The following PKHD1 variants were observed in gnomAD, a reference collection of about 807,000 sequenced individuals.
PKHD1 encodes fibrocystin.
A neutral mutation model predicts 412.0 loss-of-function variants in PKHD1; 291 were observed. The observed-to-expected ratio is 0.71, with a 90% confidence interval of 0.64 to 0.78. The LOEUF is 0.78. Ranked by LOEUF, PKHD1 falls within the 30% of genes least tolerant of loss-of-function variation. PKHD1 has a pLI of 0.00. For missense variants in PKHD1, 4,825 were observed against 4,950.7 expected (o/e 0.97, Z 0.76); for synonymous variants, 1,777 against 1,821.5 (o/e 0.98, Z 0.62).
intron 55 of PKHD1, among the ~76,000 whole-genome samples, chr6:51,755,163 G>T (rs1299733118): frequency 1.3e-5 from 2 of 152,096 alleles, no homozygotes; most frequent in East Asian, 3.9e-4. Flanking sequence ...AGACAGTGAA[G>T]ATATTCGATG....
rs191847652 is a variant in PKHD1, at chr6:51,735,952, A to T, written c.10156+8433T>A. Among the ~76,000 whole-genome samples, 290 of 152,230 alleles carry T rather than the reference A, an allele frequency of 1.9e-3. 3 individuals carry two copies. The highest frequency in any genetic ancestry group is 6.8e-3 in the African/African-American group (281 of 41,538). The stretch of plus-strand genomic sequence containing the variant: ...TTGTTTCTAAAAATAAAAAATAAAA[A>T]TAAAAACACAGTTCAATCTGAACCT... On this transcript the variant is annotated intron_variant, in intron 60 of 66. Transcript: ENST00000371117.
intron 48 of PKHD1, among the ~76,000 whole-genome samples, chr6:51,863,686 T>A (rs1189597167): frequency 3.9e-5 from 6 of 152,160 alleles, no homozygotes; most frequent in African/African-American, 1.4e-4. Context: ...TGAAAGAAGA[T>A]TCTTAAATAC....
intron 33 of PKHD1, 88 bp downstream of exon 33, chr6:52,022,713 C>T: frequency 7.5e-7 from 1 of 1,331,824 alleles, no homozygotes; most frequent in Non-Finnish European, 1.1e-6. Context: ...GTAGTCAGTA[C>T]AGCATTAATC....
intron 53 of PKHD1, among the ~76,000 whole-genome samples, chr6:51,789,461 G>C (rs1793396131): frequency 6.6e-6 from 1 of 151,858 alleles, no homozygotes. Context: ...AATTATTGAA[G>C]TTGGGCCTTT....
intron 37 of PKHD1, among the ~76,000 whole-genome samples, chr6:51,933,127 C>G (rs1454633382): frequency 1.3e-5 from 2 of 152,128 alleles, no homozygotes; most frequent in African/African-American, 4.8e-5. Flanking sequence ...CATATAAACA[C>G]CCACTGAAAT....
At chr6:51,668,794 T>C (rs1487666529) in intron 60 of PKHD1, among the ~76,000 whole-genome samples, 1 of 152,244 alleles carries the variant, frequency 6.6e-6, no homozygotes, top group African/African-American at 2.4e-5. Context: ...TCTGCATCTA[T>C]TGAGATAATC....
In PKHD1 at chr6:51,885,742, A is replaced by G. The variant is rs966233343; in HGVS notation, c.7215+125T>C. ...GCTTTAAAATTGTGACAGCACAGCA[A>G]TGCTCCCCTCAAGGGCAAGTCAATC... On this transcript the variant is annotated intron_variant, in intron 45 of 66. Transcript: ENST00000371117. 4.1e-6 allele frequency: 3 copies of G among 729,572 alleles called. No individual in the cohort carries two copies. In the East Asian group the frequency reaches 8.0e-5, roughly 20 times the overall value. The allele number at this position is 729,572 out of a possible 1,614,324, so 45.2% of individuals were successfully genotyped here.
At chr6:51,914,793 C>T (rs948173389) in intron 37 of PKHD1, among the ~76,000 whole-genome samples, 8 of 152,058 alleles carry the variant, frequency 5.3e-5, no homozygotes, top group Admixed American at 3.9e-4. Context: ...CTCATTTAAC[C>T]GGATCGTCCT....
At chr6:51,950,474 T>C (rs1260157154) in intron 36 of PKHD1, among the ~76,000 whole-genome samples, 2 of 152,014 alleles carry the variant, frequency 1.3e-5, no homozygotes, top group African/African-American at 4.8e-5. Flanking sequence ...TCCTCACAAT[T>C]CCATAGGGCT....
chr6:51,807,454 AAAAAAT>A lies in PKHD1; in HGVS notation c.8303-16087_8303-16082del, dbSNP rs1438823727. On this transcript the variant is annotated intron_variant, in intron 52 of 66. Transcript: ENST00000371117. ...CTCTGTCTCAAAAAAAAAAAAAAAA[AAAAAAT>A]ATATATATATATATATATATGTATA... Among the ~76,000 whole-genome samples the A allele has an allele frequency of 9.4e-4, 46 of 48,886 alleles. 3 individuals are homozygous for A. The highest frequency in any genetic ancestry group is 2.8e-3 in the African/African-American group (41 of 14,842). The allele number at this position is 48,886 out of a possible 152,430, so 32.1% of individuals were successfully genotyped here.
intron 60 of PKHD1, among the ~76,000 whole-genome samples, chr6:51,714,534 A>G (rs1243376757): frequency 2.6e-5 from 4 of 152,226 alleles, no homozygotes; most frequent in Non-Finnish European, 5.9e-5. Context: ...AAGTGGTCTT[A>G]GTTTACACTG....
At chr6:51,903,831 T>TAATATATATATA in intron 42 of PKHD1, 104 bp from the exon 43 acceptor site, 1 of 537,144 alleles carries the variant, frequency 1.9e-6, no homozygotes, top group African/African-American at 3.9e-5. Context: ...ATAATGCATT[T>TAATATATATATA]CATATATATA....
chr6:51,828,017 A>T (rs1562402787), intron 52 of PKHD1, among the ~76,000 whole-genome samples: 1 of 152,122 alleles, frequency 6.6e-6, no homozygotes, highest in Non-Finnish European at 1.5e-5. Flanking sequence ...AAATACCTCA[A>T]GCAGTGTATC....
chr6:51,625,828 A>G (rs899119195), intron 66 of PKHD1, among the ~76,000 whole-genome samples: 4 of 152,198 alleles, frequency 2.6e-5, no homozygotes, highest in African/African-American at 9.6e-5. Flanking sequence ...CTGAGTTTAC[A>G]TGCAATAATA....
At chr6:52,033,198 T>C (rs1202312801) in intron 28 of PKHD1, 33 bp from the exon 29 acceptor site, 2 of 1,578,340 alleles carry the variant, frequency 1.3e-6, no homozygotes, top group East Asian at 4.5e-5. Context: ...TAAACCTCAG[T>C]TTTATTTTAA....
At chr6:52,064,463 G>T (rs1276473214) in intron 13 of PKHD1, among the ~76,000 whole-genome samples, 1 of 152,132 alleles carries the variant, frequency 6.6e-6, no homozygotes, top group Non-Finnish European at 1.5e-5. Context: ...ATATATCCCT[G>T]TTTCTCAAAG....
At position 51,870,629 on chromosome 6, in the gene PKHD1, C is replaced by G; in HGVS notation, c.7361G>C (p.Cys2454Ser). ...AGGAGTTTTAATCCCAGATGACATA[C>G]ACAGACTTCCCTGTGATTTAAAAGA... ...LGHFAHKGSL[C>S]MSSGIKTPKR... Residue 2454 changes from cysteine to serine, a missense_variant, in exon 47 of 67, where the codon TGT becomes TCT. Coordinates refer to ENST00000371117, the MANE Select transcript of PKHD1 (RefSeq NM_138694.4). 1 of 1,609,360 alleles carries G rather than the reference C, an allele frequency of 6.2e-7. No individual in the cohort carries two copies. The highest frequency in any genetic ancestry group is 8.5e-7 in the Non-Finnish European group (1 of 1,175,860).
Position 52,027,899 on chromosome 6 carries a change from A to C in PKHD1, c.3561-3T>G. The C allele has an allele frequency of 6.2e-7, 1 of 1,609,502 alleles. No individual in the cohort carries two copies. The highest frequency in any genetic ancestry group is 8.5e-7 in the Non-Finnish European group (1 of 1,175,766). ...GGTACTGGATGTGGAGATCAACCCT[A>C]CAGAAGATAGGCAGATGTTTAGGAA... On this transcript the variant is annotated splice_polypyrimidine_tract_variant and splice_region_variant and intron_variant, in intron 30 of 66. Transcript: ENST00000371117.
At chr6:51,639,534 G>A (rs1420311810) in intron 63 of PKHD1, among the ~76,000 whole-genome samples, 1 of 151,610 alleles carries the variant, frequency 6.6e-6, no homozygotes, top group Non-Finnish European at 1.5e-5. Context: ...GAGCTACTCT[G>A]ATTTAGCAAC....
Sources: allele counts gnomAD v4.1 joint callset (sites outside exome capture counted in the v4.1 genomes callset), GRCh38; gene constraint gnomAD v4.1.1; transcripts MANE v1.5; gene names NCBI Gene and HGNC (gene_info 2026-07-23, HGNC 2026-07-21).